TRIM5: variants seen among roughly 807,000 people sequenced by gnomAD.
TRIM5 encodes the protein tripartite motif containing 5, also known as tripartite motif-containing protein 5.
In TRIM5, 31 loss-of-function variants were observed where a neutral mutation model predicts 35.6. The observed-to-expected ratio is 0.87, with a 90% CI of 0.65 to 1.18. The LOEUF is 1.18. TRIM5 is among the 50% of genes most tolerant of loss of function. TRIM5 has a pLI of 0.00. For missense variants in TRIM5, 609 were observed against 591.6 expected (o/e 1.03, Z -0.31); for synonymous variants, 243 against 215.6 (o/e 1.13, Z -1.11).
the TRIM5 span, among the ~76,000 whole-genome samples, chr11:5,613,196 A>T: frequency 4.2e-4 from 64 of 152,344 alleles, no homozygotes; most frequent in African/African-American, 1.5e-3. Context: ...GAAGGTAATG[A>T]CAGAGAAAAG....
At chr11:5,597,646 C>T in the TRIM5 span, among the ~76,000 whole-genome samples, 1 of 152,154 alleles carries the variant, frequency 6.6e-6, no homozygotes, top group Non-Finnish European at 1.5e-5. Context: ...AGCTGGTGGA[C>T]GGGCCCGCTC....
the TRIM5 span, chr11:5,613,002 C>G: frequency 3.3e-5 from 5 of 152,170 alleles, no homozygotes; most frequent in Admixed American, 1.3e-4. Flanking sequence ...CTTAAAATTA[C>G]ATATGTGGCT....
chr11:5,611,048 T>C, the TRIM5 span: 1 of 1,614,190 alleles, frequency 6.2e-7, no homozygotes, highest in Non-Finnish European at 8.5e-7. Flanking sequence ...ATCACAGTGC[T>C]TACTCCAGGT....
At chr11:5,641,973 G>A in the TRIM5 span, among the ~76,000 whole-genome samples, 16 of 152,174 alleles carry the variant, frequency 1.1e-4, no homozygotes, top group Non-Finnish European at 1.3e-4. Flanking sequence ...ACAGAGCCCC[G>A]TATCACAGTC....
chr11:5,610,865 A>G, the TRIM5 span: 1 of 1,614,192 alleles, frequency 6.2e-7, no homozygotes, highest in Non-Finnish European at 8.5e-7. Context: ...GAGCTAAAGT[A>G]TCTGGACCTT....
the TRIM5 span, among the ~76,000 whole-genome samples, chr11:5,615,666 T>G: frequency 6.6e-6 from 1 of 151,658 alleles, no homozygotes; most frequent in Admixed American, 6.6e-5. Context: ...TGATCTTGGC[T>G]AACTGCAACC....
chr11:5,629,445 CA>C, the TRIM5 span, among the ~76,000 whole-genome samples: 3 of 152,152 alleles, frequency 2.0e-5, no homozygotes, highest in African/African-American at 7.2e-5. Flanking sequence ...GAACAAGTAT[CA>C]AAATGTTACT....
chr11:5,599,980 A>T, the TRIM5 span, among the ~76,000 whole-genome samples: 6 of 152,170 alleles, frequency 3.9e-5, no homozygotes, highest in Admixed American at 3.9e-4. Context: ...TGATGTGGGT[A>T]TGGTAGGAGA....
At chr11:5,598,932 C>T in the TRIM5 span, among the ~76,000 whole-genome samples, 2 of 152,132 alleles carry the variant, frequency 1.3e-5, no homozygotes, top group African/African-American at 4.8e-5. Flanking sequence ...ATGTATTCAC[C>T]CTTCAAATTT....
At chr11:5,649,166 C>A in the TRIM5 span, among the ~76,000 whole-genome samples, 5 of 152,276 alleles carry the variant, frequency 3.3e-5, no homozygotes, top group East Asian at 9.6e-4. Context: ...GCCATGAGGA[C>A]CAGCAATTCA....
the TRIM5 span, among the ~76,000 whole-genome samples, chr11:5,649,827 C>T: frequency 6.6e-6 from 1 of 152,060 alleles, no homozygotes; most frequent in South Asian, 2.1e-4. Context: ...AAAATAACAC[C>T]ATATGTTGGA....
the TRIM5 span, chr11:5,610,634 C>T: frequency 1.9e-6 from 3 of 1,581,016 alleles, no homozygotes; most frequent in African/African-American, 2.7e-5. Context: ...CAGACATAGC[C>T]ACACAGATCC....
chr11:5,664,945 A>G lies in TRIM5; in HGVS notation c.1346T>C (p.Val449Ala). 1.2e-6 allele frequency: 2 copies of G among 1,614,098 alleles called. No homozygotes were observed. Among genetic ancestry groups the G allele is most frequent in the Non-Finnish European group, 8.5e-7 (1 of 1,180,012 alleles). Residue 449 changes from valine (V) to alanine (A), a missense_variant, in exon 8 of 8, where the codon GTC (valine) becomes GCC (alanine). By Grantham distance (64) the Val-to-Ala change is moderately conservative. Transcript: ENST00000380034. ...ATGGTTTGTGATATTGAAGAATGAG[A>G]CAGTGCAAGCCTCATAGTCTAGGAA... ...GVFLDYEACT[V>A]SFFNITNHGF...
chr11:5,670,229 G>C (rs1177736564), intron 4 of TRIM5, among the ~76,000 whole-genome samples: 1 of 127,076 alleles, frequency 7.9e-6, no homozygotes, highest in Non-Finnish European at 1.6e-5. Flanking sequence ...CCAGGCTGGA[G>C]TGCAGTGGTG....
At chr11:5,677,983 C>T (rs1852123091) in intron 4 of TRIM5, 2 of 437,212 alleles carry the variant, frequency 4.6e-6, no homozygotes, top group Non-Finnish European at 8.2e-6. Context: ...TTGATCATCT[C>T]CACTACGTCA....
chr11:5,643,821 T>C, the TRIM5 span: 1 of 1,379,910 alleles, frequency 7.2e-7, no homozygotes, highest in Non-Finnish European at 9.8e-7. Flanking sequence ...TTAGAACTTT[T>C]ACTCATCCTT....
intron 5 of TRIM5, chr11:5,666,398 T>G: frequency 3.7e-6 from 1 of 268,576 alleles, no homozygotes; most frequent in East Asian, 7.9e-5. Flanking sequence ...AAAAAGGATT[T>G]TAAAACAAAA....
At chr11:5,672,973 T>C (rs895129553) in intron 4 of TRIM5, among the ~76,000 whole-genome samples, 1 of 152,098 alleles carries the variant, frequency 6.6e-6, no homozygotes, top group African/African-American at 2.4e-5. Context: ...AAAATATTTA[T>C]TTAACACAAA....
At chr11:5,638,340 T>A in the TRIM5 span, among the ~76,000 whole-genome samples, 1 of 152,198 alleles carries the variant, frequency 6.6e-6, no homozygotes, top group Non-Finnish European at 1.5e-5. Flanking sequence ...TGACAGAGGT[T>A]TGAGCTTCCA....
Sources: allele counts gnomAD v4.1 joint callset (sites outside exome capture counted in the v4.1 genomes callset), GRCh38; gene constraint gnomAD v4.1.1; transcripts MANE v1.5; gene names NCBI Gene and HGNC (gene_info 2026-07-23, HGNC 2026-07-21).